The following LHFPL3 variants were observed in gnomAD, a reference collection of about 807,000 sequenced individuals.
LHFPL3 encodes the protein LHFPL tetraspan subfamily member 3 protein.
A neutral mutation model predicts 19.3 loss-of-function variants in LHFPL3; 5 were observed. The observed-to-expected ratio is 0.26, with a 90% CI of 0.14 to 0.54. The LOEUF is 0.54. Among genes scored for constraint, LHFPL3 ranks in the 20% least tolerant of loss-of-function variants. LHFPL3 has a pLI of 0.94. For synonymous variants in LHFPL3, 133 were observed against 126.2 expected (o/e 1.05, Z -0.36); for missense variants, 249 against 307.4 (o/e 0.81, Z 1.42).
chr7:104,709,126 T>C (rs2116206329), intron 1 of LHFPL3, among the ~76,000 whole-genome samples: 1 of 152,270 alleles, frequency 6.6e-6, no homozygotes, highest in Middle Eastern at 3.4e-3. Flanking sequence ...CCCTGCATTT[T>C]AGTTTAGGGA....
chr7:104,577,836 A>T (rs1790369328), intron 1 of LHFPL3, among the ~76,000 whole-genome samples: 2 of 152,038 alleles, frequency 1.3e-5, no homozygotes. Flanking sequence ...CTGGCCCAAG[A>T]CTCCTAATGC....
intron 1 of LHFPL3, among the ~76,000 whole-genome samples, chr7:104,549,754 A>G (rs1794634587): frequency 6.6e-6 from 1 of 152,148 alleles, no homozygotes; most frequent in Non-Finnish European, 1.5e-5. Context: ...TTATAATTCA[A>G]CTTATTATGT....
At chr7:104,382,208 G>C (rs1426893704) in intron 1 of LHFPL3, among the ~76,000 whole-genome samples, 1 of 152,170 alleles carries the variant, frequency 6.6e-6, no homozygotes, top group African/African-American at 2.4e-5. Flanking sequence ...AGGAAATTTT[G>C]TTTGAAATGC....
intron 1 of LHFPL3, chr7:104,668,725 C>CG (rs1050494022): frequency 4.4e-6 from 7 of 1,585,032 alleles, no homozygotes; most frequent in Middle Eastern, 1.9e-4. Context: ...GGTCCCCCCC[C>CG]CCCCAAAGAC....
At chr7:104,350,626 G>A (rs1009223533) in intron 1 of LHFPL3, among the ~76,000 whole-genome samples, 1 of 152,236 alleles carries the variant, frequency 6.6e-6, no homozygotes, top group Non-Finnish European at 1.5e-5. Context: ...GATGGGTTCT[G>A]TGACCTCACA....
chr7:104,605,359 T>C (rs917914086), intron 1 of LHFPL3, among the ~76,000 whole-genome samples: 3 of 151,978 alleles, frequency 2.0e-5, no homozygotes, highest in African/African-American at 7.2e-5. Context: ...GTGAAAAAAA[T>C]GGTGATTTCC....
intron 1 of LHFPL3, among the ~76,000 whole-genome samples, chr7:104,364,948 G>C (rs916676494): frequency 6.6e-6 from 1 of 152,188 alleles, no homozygotes; most frequent in African/African-American, 2.4e-5. Flanking sequence ...GGAGTCAGTT[G>C]AGAGAGATAC....
At chr7:104,639,486 T>C (rs536242184) in intron 1 of LHFPL3, among the ~76,000 whole-genome samples, 20 of 152,192 alleles carry the variant, frequency 1.3e-4, no homozygotes, top group Non-Finnish European at 2.6e-4. Context: ...CTTTATTAGT[T>C]TAGCTAGTGG....
chr7:104,364,532 C>T (rs76353419), intron 1 of LHFPL3, among the ~76,000 whole-genome samples: 9,843 of 152,210 alleles, frequency 0.065, 364 homozygotes, highest in Middle Eastern at 0.088. Context: ...GATCTTCTAC[C>T]AAAATTGTAC....
intron 1 of LHFPL3, among the ~76,000 whole-genome samples, chr7:104,471,521 C>G (rs1792905490): frequency 6.6e-6 from 1 of 152,136 alleles, no homozygotes; most frequent in Admixed American, 6.5e-5. Context: ...GTAACTTGCC[C>G]TAGTTCATAC....
chr7:104,376,522 T>C (rs1790717193), intron 1 of LHFPL3, among the ~76,000 whole-genome samples: 1 of 152,222 alleles, frequency 6.6e-6, no homozygotes, highest in African/African-American at 2.4e-5. Context: ...TCCATTCTCC[T>C]GATAATGTCC....
At chr7:104,709,973 G>A (rs1793269919) in intron 1 of LHFPL3, among the ~76,000 whole-genome samples, 1 of 152,214 alleles carries the variant, frequency 6.6e-6, no homozygotes, top group African/African-American at 2.4e-5. Flanking sequence ...AAGGCAGGCG[G>A]CTGGGAGGTG....
chr7:104,803,538 C>T (rs985015806), intron 2 of LHFPL3: 1 of 152,222 alleles, frequency 6.6e-6, no homozygotes, highest in Non-Finnish European at 1.5e-5. Flanking sequence ...CTCACTCCTT[C>T]CATCCTACTC....
At chr7:104,549,727 C>G (rs957946999) in intron 1 of LHFPL3, among the ~76,000 whole-genome samples, 1 of 152,044 alleles carries the variant, frequency 6.6e-6, no homozygotes, top group Non-Finnish European at 1.5e-5. Context: ...CTATATCTAT[C>G]TGGGGACCTT....
chr7:104,737,411 A>C, intron 2 of LHFPL3, among the ~76,000 whole-genome samples: 1 of 151,988 alleles, frequency 6.6e-6, no homozygotes, highest in South Asian at 2.1e-4. Flanking sequence ...ACTGGCCCCA[A>C]ATAGTTAGTT....
intron 1 of LHFPL3, among the ~76,000 whole-genome samples, chr7:104,629,782 CT>C (rs1791608099): frequency 6.6e-6 from 1 of 152,198 alleles, no homozygotes; most frequent in Non-Finnish European, 1.5e-5. Flanking sequence ...GGGCTGTAAC[CT>C]TTAGCTGACT....
chr7:104,586,404 C>T (rs997538610), intron 1 of LHFPL3, among the ~76,000 whole-genome samples: 3 of 152,082 alleles, frequency 2.0e-5, no homozygotes, highest in African/African-American at 7.2e-5. Context: ...TCTGTGTGCA[C>T]AACTTTTATT....
chr7:104,792,567 C>T (rs961663898), intron 2 of LHFPL3, among the ~76,000 whole-genome samples: 3 of 152,138 alleles, frequency 2.0e-5, no homozygotes, highest in Non-Finnish European at 2.9e-5. Flanking sequence ...TATAATGTTT[C>T]CTGGAGAGCT....
intron 1 of LHFPL3, among the ~76,000 whole-genome samples, chr7:104,439,088 T>C (rs1160367624): frequency 6.6e-6 from 1 of 152,208 alleles, no homozygotes; most frequent in African/African-American, 2.4e-5. Flanking sequence ...GTATTAAATT[T>C]ATTAACAACA....
Sources: gnomAD v4.1 joint callset for allele counts (sites outside exome capture counted in the v4.1 genomes callset) on GRCh38, gnomAD v4.1.1 for gene constraint, MANE v1.5 for transcripts, NCBI Gene and HGNC (gene_info 2026-07-23, HGNC 2026-07-21) for gene names.